The following DNMT3A variants were observed in gnomAD, a reference collection of about 807,000 sequenced individuals.
DNMT3A encodes the protein DNA methyltransferase 3 alpha.
A neutral mutation model predicts 117.6 loss-of-function variants in DNMT3A; 267 were observed. The ratio of observed to expected loss-of-function variants is 2.27; its 90% CI spans 2.05 to 2.51. DNMT3A has a LOEUF of 2.51. Ranked by LOEUF, DNMT3A falls within the 30% of genes most tolerant of loss-of-function variation. The pLI is 0.00. For missense variants in DNMT3A, 1,029 were observed against 1,260.2 expected, an observed-to-expected ratio of 0.82 and a Z score of 2.78; for synonymous variants, 432 against 474.8, an observed-to-expected ratio of 0.91 and a Z score of 1.17.
chr2:25,317,896 T>A (rs1223435274), intron 1 of DNMT3A, among the ~76,000 whole-genome samples: 1 of 152,004 alleles, frequency 6.6e-6, no homozygotes, highest in Non-Finnish European at 1.5e-5. Context: ...CCACCAAGCC[T>A]GGCTAATTTT....
Position 25,339,470 on chromosome 2 carries a change from C to A in DNMT3A, c.-178+2356G>T, listed in dbSNP as rs1280054045. 6.6e-6 allele frequency among the ~76,000 whole-genome samples: 1 copy of A among 152,216 alleles called. No homozygotes were observed. The highest frequency in any genetic ancestry group is 2.4e-5 in the African/African-American group (1 of 41,456). ...CGAGGGAAGTTTGGTCGGCCTGAAT[C>A]CGCAGCTGCTTATCTGGGGAGGAGC... On this transcript the variant is annotated intron_variant, in intron 1 of 22. Transcript: ENST00000321117. The surrounding 1 kb of genome is among the most constrained non-coding windows in gnomAD (Gnocchi z 4.9).
rs7579606 is a variant in DNMT3A, at chr2:25,305,971, C to T, written c.73-5728G>A. 2.9e-3 allele frequency among the ~76,000 whole-genome samples: 437 copies of T among 152,306 alleles called. 1 individual carries two copies. The highest frequency in any genetic ancestry group is 9.9e-3 in the African/African-American group (412 of 41,560). ...GCTTGAGTCGAGGGGATGAACTTGC[C>T]GGATCTAGCCAGCTACTTGCCCGGG... On this transcript the variant is annotated intron_variant, in intron 2 of 22. Coordinates refer to ENST00000321117, the MANE Select transcript of DNMT3A (RefSeq NM_022552.5). This position sits in a 1 kb window ranked among gnomAD's most constrained non-coding sequence, Gnocchi z 4.1.
At chr2:25,235,038 G>C (rs1673196573) in intron 22 of DNMT3A, among the ~76,000 whole-genome samples, 1 of 152,162 alleles carries the variant, frequency 6.6e-6, no homozygotes, top group Non-Finnish European at 1.5e-5. Flanking sequence ...TTGAGGCTGC[G>C]AGGTCTGCCT....
chr2:25,282,169 T>G lies in DNMT3A; in HGVS notation c.448+272A>C, dbSNP rs1250157644. 6.0e-6 allele frequency: 7 copies of G among 1,174,306 alleles called. No homozygotes were observed. The South Asian group carries it at 7.8e-5, about 13-fold the overall frequency. 72.7% of individuals were successfully genotyped at this position (1,174,306 alleles called of 1,614,324 possible). ...CCAGATCTAGCTTTTTTTTTTTTCATGAGAAGCCAAAACTCCAGATTTTTA... is the reference window on the plus strand; with the variant it reads ...CCAGATCTAGCTTTTTTTTTTTTCAGGAGAAGCCAAAACTCCAGATTTTTA... On this transcript the variant is annotated intron_variant, in intron 4 of 22. Transcript: ENST00000321117. The surrounding 1 kb of genome is among the most constrained non-coding windows in gnomAD (Gnocchi z 5.2).
intron 19 of DNMT3A, 192 bp from the exon 20 acceptor site, chr2:25,239,407 C>G (rs1673726071): frequency 1.5e-6 from 1 of 658,196 alleles, no homozygotes; most frequent in Admixed American, 2.1e-5. Context: ...GTCACTGGAA[C>G]GTTCTAGATC....
At chr2:25,238,650 C>G (rs909138543) in intron 20 of DNMT3A, among the ~76,000 whole-genome samples, 2 of 152,162 alleles carry the variant, frequency 1.3e-5, no homozygotes, top group African/African-American at 4.8e-5. Flanking sequence ...AAAAAAGGAC[C>G]TGAAGCCAAC....
chr2:25,252,312 AG>A lies in DNMT3A; in HGVS notation c.640-4061del, dbSNP rs1675674201. On this transcript the variant is annotated intron_variant, in intron 6 of 22. Coordinates refer to ENST00000321117, the MANE Select transcript of DNMT3A (RefSeq NM_022552.5). The surrounding 1 kb of genome is among the most constrained non-coding windows in gnomAD (Gnocchi z 5.5). Reference sequence around the variant, plus strand: ...AAGGGGGCGATGGGGCTGGGGGCGGAGGGGGCCACTGGGAGGGGAGGGGGGC... The same window carrying A: ...AAGGGGGCGATGGGGCTGGGGGCGGAGGGGCCACTGGGAGGGGAGGGGGGC... 3.4e-5 allele frequency: 1 copy of A among 29,570 alleles called. No homozygotes were observed. The highest frequency in any genetic ancestry group is 5.2e-4 in the South Asian group (1 of 1,906). 1.8% of individuals were successfully genotyped at this position (29,570 alleles called of 1,614,324 possible).
In DNMT3A at chr2:25,240,583, G is replaced by A. The variant is rs953023292; in HGVS notation, c.2173+57C>T. 6.2e-6 allele frequency: 10 copies of A among 1,607,562 alleles called. No individual in the cohort carries two copies. In the African/African-American group the frequency reaches 1.3e-4, roughly 21 times the overall value. ...TCCCAGGGCAGAAATATCCAAGGAG[G>A]AAGCCTATGTGCGGAAGCACCAGCT... On this transcript the variant is annotated intron_variant, in intron 18 of 22. Transcript: ENST00000321117.
chr2:25,333,947 G>A (rs1016842607), intron 1 of DNMT3A, among the ~76,000 whole-genome samples: 7 of 152,188 alleles, frequency 4.6e-5, no homozygotes, highest in South Asian at 2.1e-4. Flanking sequence ...CCTGACTCCC[G>A]AACGCCTTTT....
At chr2:25,243,036 G>C (rs879870632) in intron 16 of DNMT3A, among the ~76,000 whole-genome samples, 2 of 152,196 alleles carry the variant, frequency 1.3e-5, no homozygotes, top group Non-Finnish European at 1.5e-5. Flanking sequence ...GCCGGGTCTG[G>C]TGGCTCATGC....
rs1675716256 is a variant in DNMT3A, at chr2:25,252,575, G to T, written c.640-4323C>A. On this transcript the variant is annotated intron_variant, in intron 6 of 22. Transcript: ENST00000321117. This position sits in a 1 kb window ranked among gnomAD's most constrained non-coding sequence, Gnocchi z 5.5. ...GCAGGGAGCGCCCCGCCTTCGGGAA[G>T]ACCGCCTGGCCCCTCCCCCAGCTCT... Among the ~76,000 whole-genome samples, 1 of 151,270 alleles carries T rather than the reference G, an allele frequency of 6.6e-6. No individual in the cohort carries two copies. The highest frequency in any genetic ancestry group is 1.5e-5 in the Non-Finnish European group (1 of 67,720).
intron 6 of DNMT3A, among the ~76,000 whole-genome samples, chr2:25,255,090 C>T (rs1200415413): frequency 6.6e-6 from 1 of 152,226 alleles, no homozygotes; most frequent in Non-Finnish European, 1.5e-5. Flanking sequence ...CTTCCCTCTC[C>T]TGTAACTATG....
At position 25,239,166 on chromosome 2, in the gene DNMT3A, G is replaced by T; in HGVS notation, c.2372C>A (p.Ala791Asp). The T allele has an allele frequency of 6.2e-7, 1 of 1,614,106 alleles. No individual in the cohort carries two copies. The highest frequency in any genetic ancestry group is 8.5e-7 in the Non-Finnish European group (1 of 1,179,980). Residue 791 changes from alanine to aspartate, a missense_variant, in exon 20 of 23, where the codon GCC becomes GAC. Transcript: ENST00000321117. ...GGGAAGGTTACCCCAGAAGTAGCGGGCCCTGTGTGCAGCTGACACTTCTTT... is the reference window on the plus strand; with the variant it reads ...GGGAAGGTTACCCCAGAAGTAGCGGTCCCTGTGTGCAGCTGACACTTCTTT... ...DAKEVSAAHR[A>D]RYFWGNLPGM...
chr2:25,306,839 T>G lies in DNMT3A; in HGVS notation c.73-6596A>C, dbSNP rs1398663619. 1.3e-5 allele frequency among the ~76,000 whole-genome samples: 2 copies of G among 152,236 alleles called. No homozygotes were observed. The highest frequency in any genetic ancestry group is 3.8e-4 in the East Asian group (2 of 5,204). On this transcript the variant is annotated intron_variant, in intron 2 of 22. Transcript: ENST00000321117. This position sits in a 1 kb window ranked among gnomAD's most constrained non-coding sequence, Gnocchi z 4.1. ...CGGTTCAGAGGGAGACAACAACATG[T>G]AAACAAGTACCTGATGCCATGCTGA...
chr2:25,275,888 T>C (rs2031369575), intron 4 of DNMT3A, among the ~76,000 whole-genome samples: 1 of 151,962 alleles, frequency 6.6e-6, no homozygotes, highest in African/African-American at 2.4e-5. Flanking sequence ...CTGCTCCCAG[T>C]CAAGAGACCT....
rs1379282474 is a variant in DNMT3A, at chr2:25,254,055, G to C, written c.640-5803C>G. 6.7e-6 allele frequency among the ~76,000 whole-genome samples: 1 copy of C among 148,802 alleles called. No individual in the cohort carries two copies. Among genetic ancestry groups the C allele is most frequent in the African/African-American group, 2.5e-5 (1 of 40,206 alleles). On this transcript the variant is annotated intron_variant, in intron 6 of 22. Transcript: ENST00000321117. The surrounding 1 kb of genome is among the most constrained non-coding windows in gnomAD (Gnocchi z 4.7). ...CCACTGCACTCCAGCCTGGGCAACA[G>C]AGCGAGACTCCGTCTCAAAAAAAAA...
At chr2:25,330,698 A>C (rs1458757611) in intron 1 of DNMT3A, among the ~76,000 whole-genome samples, 4 of 152,190 alleles carry the variant, frequency 2.6e-5, no homozygotes, top group South Asian at 2.1e-4. Flanking sequence ...AGCCAGCTAC[A>C]GGGCAAGGTC....
chr2:25,334,210 G>C (rs1271324377), intron 1 of DNMT3A, among the ~76,000 whole-genome samples: 1 of 152,224 alleles, frequency 6.6e-6, no homozygotes, highest in Non-Finnish European at 1.5e-5. Flanking sequence ...GGTAAGTGCT[G>C]TTGCTAAGCA....
intron 5 of DNMT3A, 60 bp downstream of exon 5, chr2:25,275,440 C>A: frequency 1.3e-6 from 2 of 1,571,022 alleles, no homozygotes; most frequent in Admixed American, 2.0e-5. Context: ...CACACACTCG[C>A]CACCCGTGTC....
Sources: allele counts gnomAD v4.1 joint callset (sites outside exome capture counted in the v4.1 genomes callset), GRCh38; gene constraint gnomAD v4.1.1; non-coding constraint Gnocchi (gnomAD v3.1); transcripts MANE v1.5; gene names NCBI Gene and HGNC (gene_info 2026-07-23, HGNC 2026-07-21).